The following GFRA1 variants were observed in gnomAD, a reference collection of about 807,000 sequenced individuals.
GFRA1 encodes GDNF family receptor alpha 1.
In GFRA1, 16 loss-of-function variants were observed where a neutral mutation model predicts 51.6. The ratio of observed to expected loss-of-function variants is 0.31; its 90% CI spans 0.21 to 0.47. GFRA1 has a LOEUF of 0.47. Among genes scored for constraint, GFRA1 ranks in the 20% least tolerant of loss-of-function variants. The probability of loss-of-function intolerance (pLI) is 1.00; values close to 1 mark genes in which losing one functional copy is unlikely to be tolerated. For missense variants in GFRA1, 530 were observed against 594.3 expected (o/e 0.89, Z 1.13); for synonymous variants, 270 against 241.3 (o/e 1.12, Z -1.10).
chr10:116,068,141 T>G (rs1373430405), intron 9 of GFRA1, among the ~76,000 whole-genome samples: 3 of 152,124 alleles, frequency 2.0e-5, no homozygotes, highest in Non-Finnish European at 4.4e-5. Context: ...TCTGAGAAAA[T>G]GCCTTCTCTC....
At chr10:116,259,505 T>C (rs4309072) in intron 4 of GFRA1, among the ~76,000 whole-genome samples, 151,250 of 152,318 alleles carry the variant, frequency 0.99, 75,103 homozygotes, top group East Asian at 1. Flanking sequence ...GTTTTAATAG[T>C]ACGCGTGTTC....
Position 116,141,776 on chromosome 10 carries a change from G to A in GFRA1, c.434-16219C>T, listed in dbSNP as rs568104382. On this transcript the variant is annotated intron_variant, in intron 5 of 10. Transcript: ENST00000355422. ...TTTTTGTATTTTTAGTACAGACGGG[G>A]TTTTGCCAAGTTGTCCAGGCTGGTC... Among the ~76,000 whole-genome samples the A allele has an allele frequency of 2.6e-5, 4 of 152,228 alleles. No individual in the cohort carries two copies. In the East Asian group the frequency reaches 7.7e-4, roughly 29 times the overall value.
intron 5 of GFRA1, among the ~76,000 whole-genome samples, chr10:116,146,760 C>T (rs1255180630): frequency 1.3e-5 from 2 of 152,246 alleles, no homozygotes; most frequent in African/African-American, 4.8e-5. Context: ...CTGTCCAATC[C>T]TGCTGGACAG....
chr10:116,274,428 G>C (rs543278709), upstream of GFRA1, among the ~76,000 whole-genome samples: 1 of 152,242 alleles, frequency 6.6e-6, no homozygotes, highest in Non-Finnish European at 1.5e-5. Flanking sequence ...GATCGAGGGG[G>C]GTAAATTGAA....
chr10:116,096,386 G>A (rs559505864), intron 7 of GFRA1, among the ~76,000 whole-genome samples: 7 of 152,092 alleles, frequency 4.6e-5, no homozygotes, highest in African/African-American at 1.4e-4. Flanking sequence ...CAACTGAGAC[G>A]CCTTACCCGT....
At chr10:116,085,659 GATGAAGGCCCT>G (rs777765299) in intron 9 of GFRA1, among the ~76,000 whole-genome samples, 43 of 152,106 alleles carry the variant, frequency 2.8e-4, no homozygotes, top group Non-Finnish European at 4.6e-4. Flanking sequence ...ACATTCTTGG[GATGAAGGCCCT>G]TCACTCATCA....
chr10:116,207,974 C>T (rs919545343), intron 5 of GFRA1, among the ~76,000 whole-genome samples: 3 of 152,088 alleles, frequency 2.0e-5, no homozygotes, highest in African/African-American at 7.2e-5. Flanking sequence ...GTTTTTGCAG[C>T]ATCCAGAGTG....
chr10:116,057,994 G>T lies in GFRA1; in HGVS notation c.*6404C>A, dbSNP rs1344541544. 1.4e-4 allele frequency: 5 copies of T among 35,294 alleles called. No individual in the cohort carries two copies. The highest frequency in any genetic ancestry group is 8.6e-4 in the African/African-American group (5 of 5,806). The allele number at this position is 35,294 out of a possible 1,614,324, so 2.2% of individuals were successfully genotyped here. A position where few individuals can be genotyped will look rare whatever the true frequency, so the allele number is the denominator to read the frequency against. ...GATCATATAGCCCTCCAATCATTGT[G>T]TGTGTGTGTGTGTGTGTGTGTGTGT... is the stretch of plus-strand genomic sequence containing the variant. On this transcript the variant is annotated 3_prime_UTR_variant, in exon 11 of 11. Transcript: ENST00000355422.
chr10:116,200,901 T>C (rs929365765), intron 5 of GFRA1, among the ~76,000 whole-genome samples: 2 of 152,208 alleles, frequency 1.3e-5, no homozygotes, highest in Non-Finnish European at 2.9e-5. Context: ...TTAATGTATG[T>C]GGAACGCTCA....
chr10:116,071,604 AAGGT>A (rs1406825638), intron 9 of GFRA1, among the ~76,000 whole-genome samples: 3 of 152,182 alleles, frequency 2.0e-5, no homozygotes, highest in African/African-American at 7.2e-5. Context: ...TCCAGCAGTG[AAGGT>A]CTTAGATTCC....
chr10:116,256,096 CGTAA>C (rs1219392072), intron 4 of GFRA1, among the ~76,000 whole-genome samples: 2 of 152,084 alleles, frequency 1.3e-5, no homozygotes, highest in Non-Finnish European at 2.9e-5. Flanking sequence ...TGAAACATTC[CGTAA>C]GTGTTACTTG....
chr10:116,198,594 A>G (rs1035951752), intron 5 of GFRA1, among the ~76,000 whole-genome samples: 2 of 152,156 alleles, frequency 1.3e-5, no homozygotes, highest in Admixed American at 1.3e-4. Flanking sequence ...TTTCCTGCAA[A>G]GCTACTCGCC....
intron 5 of GFRA1, among the ~76,000 whole-genome samples, chr10:116,156,438 A>G (rs1296447134): frequency 1.0e-5 from 1 of 96,694 alleles, no homozygotes; most frequent in Non-Finnish European, 2.2e-5. Flanking sequence ...ACATACCCCA[A>G]ACAGTGTGGA....
chr10:116,085,094 C>A (rs1956036519), intron 9 of GFRA1, among the ~76,000 whole-genome samples: 1 of 152,152 alleles, frequency 6.6e-6, no homozygotes, highest in South Asian at 2.1e-4. Context: ...TAACATTTTA[C>A]ACTAATCAAT....
chr10:116,271,955 G>C (rs1214804471), intron 2 of GFRA1, 35 bp downstream of exon 2: 1 of 1,525,494 alleles, frequency 6.6e-7, no homozygotes, highest in African/African-American at 1.4e-5. Flanking sequence ...GAAAGACTCA[G>C]AGGGTAAGAA....
intron 5 of GFRA1, among the ~76,000 whole-genome samples, chr10:116,181,147 A>G (rs192214561): frequency 6.6e-6 from 1 of 152,322 alleles, no homozygotes; most frequent in East Asian, 1.9e-4. Flanking sequence ...TCTTATGCCT[A>G]TAGGTATAAT....
At chr10:116,273,684 TCTCTCTCTCTCA>T (rs1844116447), upstream of GFRA1, among the ~76,000 whole-genome samples, 1 of 122,832 alleles carries the variant, frequency 8.1e-6, no homozygotes, top group African/African-American at 3.3e-5. Context: ...TCTCTCTCTC[TCTCTCTCTCTCA>T]CACACACACA....
intron 4 of GFRA1, among the ~76,000 whole-genome samples, chr10:116,244,920 A>G (rs73372498): frequency 0.27 from 41,655 of 152,066 alleles, 5,822 homozygotes; most frequent in African/African-American, 0.35. Flanking sequence ...TACCAGTGAA[A>G]TCAGTAAACA....
intron 5 of GFRA1, among the ~76,000 whole-genome samples, chr10:116,159,541 G>T (rs181382939): frequency 6.6e-6 from 1 of 152,218 alleles, no homozygotes; most frequent in Admixed American, 6.5e-5. Context: ...TTGGTGTCAG[G>T]GTGTCCCCAC....
Sources: gnomAD v4.1 joint callset for allele counts (sites outside exome capture counted in the v4.1 genomes callset) on GRCh38, gnomAD v4.1.1 for gene constraint, MANE v1.5 for transcripts, NCBI Gene and HGNC (gene_info 2026-07-23, HGNC 2026-07-21) for gene names.